The following TXNL1 variants were observed in gnomAD, a reference collection of about 807,000 sequenced individuals.
TXNL1 encodes thioredoxin like 1, also known as thioredoxin-like protein 1.
TXNL1 carries 14 observed loss-of-function variants against 35.5 expected under a neutral mutation model. The ratio of observed to expected loss-of-function variants is 0.39; its 90% CI spans 0.26 to 0.62. The LOEUF is 0.62. TXNL1 is among the 20% of genes least tolerant of loss of function. TXNL1 has a pLI of 0.47. For missense variants in TXNL1, 263 were observed against 349.7 expected (o/e 0.75, Z 1.98); for synonymous variants, 110 against 115.5 (o/e 0.95, Z 0.31).
intron 1 of TXNL1, among the ~76,000 whole-genome samples, chr18:56,637,336 C>T (rs546027798): frequency 6.6e-6 from 1 of 152,114 alleles, no homozygotes; most frequent in African/African-American, 2.4e-5. Flanking sequence ...AACAGTGATA[C>T]CAGCAGTAGA....
intron 7 of TXNL1, chr18:56,609,686 A>C (rs561767375): frequency 6.6e-6 from 1 of 152,374 alleles, no homozygotes; most frequent in African/African-American, 2.4e-5. Flanking sequence ...TCTAATTCAA[A>C]AAGGTAAAGC....
intron 1 of TXNL1, among the ~76,000 whole-genome samples, chr18:56,634,232 A>C (rs955251608): frequency 8.5e-5 from 13 of 152,180 alleles, no homozygotes; most frequent in African/African-American, 3.1e-4. Context: ...TTATTTAAGG[A>C]AAGGCATATT....
intron 7 of TXNL1, chr18:56,610,079 T>G (rs1046908241): frequency 1.3e-5 from 2 of 152,178 alleles, no homozygotes; most frequent in Admixed American, 1.3e-4. Context: ...CCATCTTCAA[T>G]TCCACAACAA....
intron 1 of TXNL1, among the ~76,000 whole-genome samples, chr18:56,628,907 A>G (rs2144328601): frequency 6.6e-6 from 1 of 152,354 alleles, no homozygotes; most frequent in East Asian, 1.9e-4. Context: ...TTCAATCAGC[A>G]TTTCACCTTG....
rs2023915261 is a variant in TXNL1 at position 56,607,305 on chromosome 18, C to T, written c.840+3688G>A. Among the ~76,000 whole-genome samples, 5 of 151,790 alleles carry T rather than the reference C, an allele frequency of 3.3e-5. No individual in the cohort carries two copies. In the South Asian group the frequency reaches 1.0e-3, roughly 32 times the overall value. On this transcript the variant is annotated intron_variant, in intron 7 of 7. Coordinates refer to ENST00000217515, the MANE Select transcript of TXNL1 (RefSeq NM_004786.3). ...GTAGCTGGGACTACAGGTGCACCCA[C>T]CGTCTTGCATGGGTAATTTTTTTTT...
intron 3 of TXNL1, among the ~76,000 whole-genome samples, chr18:56,618,653 C>A (rs1241352192): frequency 1.3e-5 from 2 of 151,764 alleles, no homozygotes; most frequent in Admixed American, 6.6e-5. Context: ...TCATCTTTAA[C>A]CCCCAACTAC....
chr18:56,624,782 G>A (rs2024248831), intron 2 of TXNL1, among the ~76,000 whole-genome samples: 2 of 151,946 alleles, frequency 1.3e-5, no homozygotes, highest in Non-Finnish European at 1.5e-5. Flanking sequence ...ATAATTACAG[G>A]TATTTCTCAA....
intron 7 of TXNL1, chr18:56,609,532 G>A (rs1363841640): frequency 3.9e-5 from 6 of 152,028 alleles, no homozygotes; most frequent in East Asian, 3.9e-4. Context: ...AAATCAAATA[G>A]CATAAACTGA....
intron 4 of TXNL1, among the ~76,000 whole-genome samples, chr18:56,617,119 G>C (rs2024100905): frequency 6.6e-6 from 1 of 152,160 alleles, no homozygotes; most frequent in Non-Finnish European, 1.5e-5. Flanking sequence ...GAAAAACATG[G>C]TGGCTCTGGG....
At chr18:56,635,585 T>C (rs781097039) in intron 1 of TXNL1, among the ~76,000 whole-genome samples, 1 of 152,122 alleles carries the variant, frequency 6.6e-6, no homozygotes, top group African/African-American at 2.4e-5. Context: ...GAAAGCAGAA[T>C]AGAAGTTACC....
At chr18:56,607,080 C>G (rs1007876093) in intron 7 of TXNL1, among the ~76,000 whole-genome samples, 1 of 152,040 alleles carries the variant, frequency 6.6e-6, no homozygotes, top group Non-Finnish European at 1.5e-5. Flanking sequence ...GCCTTGAACT[C>G]CAGGGTTCAA....
chr18:56,621,811 C>T (rs1464972448), intron 3 of TXNL1, among the ~76,000 whole-genome samples: 1 of 151,876 alleles, frequency 6.6e-6, no homozygotes, highest in East Asian at 2.0e-4. Flanking sequence ...ACCAGCCTGG[C>T]CAACATGGTG....
At chr18:56,638,225 T>C in intron 1 of TXNL1, 118 bp downstream of exon 1, 1 of 1,041,388 alleles carries the variant, frequency 9.6e-7, no homozygotes, top group Non-Finnish European at 1.4e-6. Context: ...CTCCTGGGGC[T>C]GCGGCGACTG....
intron 7 of TXNL1, among the ~76,000 whole-genome samples, chr18:56,607,441 G>A (rs1457084010): frequency 6.6e-6 from 1 of 151,818 alleles, no homozygotes; most frequent in East Asian, 1.9e-4. Context: ...ATAGGCATGA[G>A]CCACCATGCT....
chr18:56,619,213 CAAAAAA>C (rs780757654), intron 3 of TXNL1, among the ~76,000 whole-genome samples: 1 of 64,988 alleles, frequency 1.5e-5, no homozygotes, highest in African/African-American at 5.5e-5. Context: ...GACCCTGTCT[CAAAAAA>C]AAAAAAAAAA....
At chr18:56,610,744 A>T in intron 7 of TXNL1, 1 of 243,658 alleles carries the variant, frequency 4.1e-6, no homozygotes, top group Non-Finnish European at 7.8e-6. Context: ...TTTTACCCTT[A>T]TGTTGATGTC....
intron 7 of TXNL1, among the ~76,000 whole-genome samples, chr18:56,607,519 T>C (rs2023919675): frequency 6.6e-6 from 1 of 152,056 alleles, no homozygotes; most frequent in African/African-American, 2.4e-5. Context: ...GGTATGTATA[T>C]ATGTACAGAT....
chr18:56,623,419 C>G (rs1410614330), intron 3 of TXNL1, among the ~76,000 whole-genome samples: 2 of 139,186 alleles, frequency 1.4e-5, no homozygotes, highest in African/African-American at 5.1e-5. Context: ...CAGAGGGACT[C>G]CGCCTCAAAA....
Position 56,638,553 on chromosome 18 carries a change from AGAGGTGGCGACC to A in TXNL1, c.-125_-114del. On this transcript the variant is annotated 5_prime_UTR_variant, in exon 1 of 8. Transcript: ENST00000217515. The stretch of plus-strand genomic sequence containing the variant: ...TCAGGAAGGCCGAGGCCTGGACAGA[AGAGGTGGCGACC>A]GCCGAGTCTTCTCCCGGGACTCTCA... 9.2e-7 allele frequency: 1 copy of A among 1,091,548 alleles called. No homozygotes were observed. The highest frequency in any genetic ancestry group is 1.3e-6 in the Non-Finnish European group (1 of 789,700). The allele number at this position is 1,091,548 out of a possible 1,614,324, so 67.6% of individuals were successfully genotyped here.
Sources: allele counts gnomAD v4.1 joint callset (sites outside exome capture counted in the v4.1 genomes callset), GRCh38; gene constraint gnomAD v4.1.1; transcripts MANE v1.5; gene names NCBI Gene and HGNC (gene_info 2026-07-23, HGNC 2026-07-21).